The following CAMTA1 variants were observed in gnomAD, a reference collection of about 807,000 sequenced individuals.
The protein encoded by CAMTA1 is calmodulin binding transcription activator 1.
A neutral mutation model predicts 170.9 loss-of-function variants in CAMTA1; 27 were observed. The ratio of observed to expected loss-of-function variants is 0.16; its 90% CI spans 0.12 to 0.22. The LOEUF (loss-of-function observed/expected upper bound fraction) is 0.22. Among genes scored for constraint, CAMTA1 ranks in the 10% least tolerant of loss-of-function variants. CAMTA1 has a pLI of 1.00. For missense variants in CAMTA1, 1,619 were observed against 2,217.2 expected (o/e 0.73, Z 5.42); for synonymous variants, 833 against 891.5 (o/e 0.93, Z 1.17).
chr1:7,755,373 C>A (rs985297922), intron 21 of CAMTA1, among the ~76,000 whole-genome samples: 2 of 150,424 alleles, frequency 1.3e-5, no homozygotes, highest in African/African-American at 2.4e-5. Context: ...ATATGACACC[C>A]TCTCAAAAAG....
rs984936747 is a variant in CAMTA1, at chr1:7,041,156, T to C, written c.235-50148T>C. Among the ~76,000 whole-genome samples, 1 of 152,240 alleles carries C rather than the reference T, an allele frequency of 6.6e-6. No homozygotes were observed. The highest frequency in any genetic ancestry group is 2.4e-5 in the African/African-American group (1 of 41,458). On this transcript the variant is annotated intron_variant, in intron 3 of 22. Transcript: ENST00000303635. This position sits in a 1 kb window ranked among gnomAD's most constrained non-coding sequence, Gnocchi z 5.1. ...TCCCTAAAAGTTGGCCCCAAGCCAG[T>C]GCGGGCGACGGTGTCAGCCACCCTT...
rs369914589 is a variant in CAMTA1 at position 7,746,055 on chromosome 1, T to C, written c.4581T>C (p.Ala1527=). 6.2e-7 allele frequency: 1 copy of C among 1,614,222 alleles called. No individual in the cohort carries two copies. Among genetic ancestry groups the C allele is most frequent in the Non-Finnish European group, 8.5e-7 (1 of 1,180,028 alleles). The change falls in exon 18 of 23, where the codon GCT becomes GCC. Residue 1527 remains alanine (A), a synonymous_variant. Transcript: ENST00000303635. ...ATGAACAGAGAGAACTCTATGAGGC[T>C]GCCAGGCTTGTCCAGACAGCTTTCC... is the stretch of plus-strand genomic sequence containing the variant. ...SDHEQRELYE[A]ARLVQTAFRK...
rs2087180296 is a variant in CAMTA1 at position 7,380,239 on chromosome 1, A to G, written c.439-87591A>G. On this transcript the variant is annotated intron_variant, in intron 5 of 22. Transcript: ENST00000303635. ...CTGTAGGCTCAGAAAGTGACTGTCCATTTGCCCGGCACGTCCCTCTCCTCT... is the reference window on the plus strand; with the variant it reads ...CTGTAGGCTCAGAAAGTGACTGTCCGTTTGCCCGGCACGTCCCTCTCCTCT... Among the ~76,000 whole-genome samples, 3 of 152,126 alleles carry G rather than the reference A, an allele frequency of 2.0e-5. No homozygotes were observed. In the South Asian group the frequency reaches 6.2e-4, roughly 32 times the overall value.
In CAMTA1 at chr1:7,732,947, G is replaced by A. The variant is rs145340578; in HGVS notation, c.3066+348G>A. Among the ~76,000 whole-genome samples, 654 of 152,194 alleles carry A rather than the reference G, an allele frequency of 4.3e-3. 2 individuals carry two copies. The highest frequency in any genetic ancestry group is 7.2e-3 in the Non-Finnish European group (490 of 67,996). On this transcript the variant is annotated intron_variant, in intron 12 of 22. Coordinates refer to ENST00000303635, the MANE Select transcript of CAMTA1 (RefSeq NM_015215.4). The surrounding 1 kb of genome is among the most constrained non-coding windows in gnomAD (Gnocchi z 4.1). ...GGTGGCTCACGCCTATAATCCCAGC[G>A]CTGTAGGAGGCCAAGACGGGAGGAT... is the stretch of plus-strand genomic sequence containing the variant.
At chr1:7,675,675 G>A (rs2096111935) in intron 10 of CAMTA1, among the ~76,000 whole-genome samples, 2 of 152,288 alleles carry the variant, frequency 1.3e-5, no homozygotes, top group South Asian at 4.1e-4. Flanking sequence ...CCTTCGACAG[G>A]AGGCTAATGA....
intron 4 of CAMTA1, among the ~76,000 whole-genome samples, chr1:7,098,131 G>GTGCGTGCGCA (rs1208965533): frequency 6.6e-6 from 1 of 152,036 alleles, no homozygotes; most frequent in Non-Finnish European, 1.5e-5. Context: ...GCACGTGCGC[G>GTGCGTGCGCA]TGCGTGCGCA....
At chr1:7,414,595 G>A (rs936542082) in intron 5 of CAMTA1, among the ~76,000 whole-genome samples, 4 of 151,930 alleles carry the variant, frequency 2.6e-5, no homozygotes, top group African/African-American at 7.3e-5. Context: ...CTGTGGGATC[G>A]GTGGTGATAT....
chr1:7,373,128 G>A (rs1012655168), intron 5 of CAMTA1, among the ~76,000 whole-genome samples: 1 of 152,206 alleles, frequency 6.6e-6, no homozygotes, highest in Non-Finnish European at 1.5e-5. Context: ...GGCTCTATCA[G>A]CCATGGCACT....
chr1:7,597,612 C>A (rs1328613322), intron 6 of CAMTA1, among the ~76,000 whole-genome samples: 1 of 152,010 alleles, frequency 6.6e-6, no homozygotes. Flanking sequence ...GATTGTGGGG[C>A]TCCAAATTCT....
In CAMTA1 at chr1:7,547,703, T is replaced by C. The variant is rs915566821; in HGVS notation, c.510+79802T>C. 3.2e-5 allele frequency among the ~76,000 whole-genome samples: 1 copy of C among 30,844 alleles called. No individual in the cohort carries two copies. Among genetic ancestry groups the C allele is most frequent in the African/African-American group, 1.5e-3 (1 of 664 alleles). The allele number at this position is 30,844 out of a possible 152,430, so 20.2% of individuals were successfully genotyped here. On this transcript the variant is annotated intron_variant, in intron 6 of 22. Coordinates refer to ENST00000303635, the MANE Select transcript of CAMTA1 (RefSeq NM_015215.4). The surrounding 1 kb of genome is among the most constrained non-coding windows in gnomAD (Gnocchi z 5.7). ...AAACATTATGAGACTTTTTTGCAAT[T>C]TTTTTTTTTTTTAGCTCATCAGCTA...
intron 3 of CAMTA1, among the ~76,000 whole-genome samples, chr1:6,942,693 G>A (rs1686850392): frequency 6.6e-6 from 1 of 152,132 alleles, no homozygotes; most frequent in East Asian, 1.9e-4. Context: ...AACAAACCAT[G>A]GGCTCTTTGT....
chr1:7,320,560 A>G (rs1247973373), intron 5 of CAMTA1, among the ~76,000 whole-genome samples: 6 of 152,006 alleles, frequency 3.9e-5, no homozygotes, highest in Middle Eastern at 3.4e-3. Context: ...TTGGTGAATT[A>G]AAGACATGAT....
chr1:7,334,691 ATGT>A (rs1346332629), intron 5 of CAMTA1, among the ~76,000 whole-genome samples: 2 of 152,198 alleles, frequency 1.3e-5, no homozygotes, highest in African/African-American at 4.8e-5. Flanking sequence ...TACTCACCAG[ATGT>A]TAGTTTAAAA....
At chr1:7,291,788 T>G (rs909433287) in intron 5 of CAMTA1, among the ~76,000 whole-genome samples, 1 of 152,250 alleles carries the variant, frequency 6.6e-6, no homozygotes, top group Non-Finnish European at 1.5e-5. Context: ...CAGTTTTGGT[T>G]GTCACCCACA....
intron 3 of CAMTA1, among the ~76,000 whole-genome samples, chr1:6,850,364 A>T (rs1456617985): frequency 1.7e-4 from 26 of 152,230 alleles, no homozygotes; most frequent in Admixed American, 1.7e-3. Flanking sequence ...TGATCTATCA[A>T]AAAAATGAAT....
At chr1:7,581,448 C>T (rs1002126438) in intron 6 of CAMTA1, among the ~76,000 whole-genome samples, 22 of 152,356 alleles carry the variant, frequency 1.4e-4, no homozygotes, top group Admixed American at 2.6e-4. Flanking sequence ...TGAAAATTAA[C>T]TCTTTTTACC....
intron 5 of CAMTA1, among the ~76,000 whole-genome samples, chr1:7,334,782 T>C (rs2083249650): frequency 6.6e-6 from 1 of 152,154 alleles, no homozygotes; most frequent in Non-Finnish European, 1.5e-5. Context: ...TAGGCTGTCA[T>C]TCGGTATGCA....
In CAMTA1 at chr1:6,786,473, G is replaced by A. The variant is rs377554399; in HGVS notation, c.45+898G>A. ...CTGCTCATCTTCTTTGGATTCTTTT[G>A]GGGCCTCTGCACACTCTCCGTTGAC... On this transcript the variant is annotated intron_variant, in intron 1 of 22. Transcript: ENST00000303635. Among the ~76,000 whole-genome samples the A allele has an allele frequency of 7.2e-4, 109 of 152,170 alleles. 1 individual carries two copies. The South Asian group carries it at 0.022, about 30-fold the overall frequency.
chr1:7,689,739 G>A (rs2096290196), intron 11 of CAMTA1, among the ~76,000 whole-genome samples: 1 of 152,202 alleles, frequency 6.6e-6, no homozygotes, highest in Non-Finnish European at 1.5e-5. Context: ...AGCCATCGCT[G>A]AATCGGGATG....
Sources: gnomAD v4.1 joint callset for allele counts (sites outside exome capture counted in the v4.1 genomes callset) on GRCh38, gnomAD v4.1.1 for gene constraint, Gnocchi (gnomAD v3.1) non-coding constraint, MANE v1.5 for transcripts, NCBI Gene and HGNC (gene_info 2026-07-23, HGNC 2026-07-21) for gene names.